Variants in PAGE2B observed in about 807,000 individuals in gnomAD.
PAGE2B encodes the protein putative G antigen family E member 3.
A neutral mutation model predicts 7.6 loss-of-function variants in PAGE2B; 5 were observed. That is an observed-to-expected ratio of 0.66 (90% CI 0.34 to 1.38). The LOEUF (loss-of-function observed/expected upper bound fraction) is 1.38. PAGE2B is among the 40% of genes most tolerant of loss of function. PAGE2B has a pLI of 0.04. For missense variants in PAGE2B, 70 were observed against 78.4 expected (o/e 0.89, Z 0.41); for synonymous variants, 29 against 26.7 (o/e 1.09, Z -0.27).
At chrX:55,059,510 T>TTA in the PAGE2B span, among the ~76,000 whole-genome samples, 1 of 111,563 alleles carries the variant, frequency 9.0e-6, no homozygotes, top group East Asian at 2.8e-4. Flanking sequence ...AAAATACAAA[T>TTA]TATATATATA....
At chrX:55,047,026 C>A in the PAGE2B span, among the ~76,000 whole-genome samples, 2 of 110,971 alleles carry the variant, frequency 1.8e-5, no homozygotes, top group East Asian at 5.7e-4. Context: ...GTGCTGCACC[C>A]ATTAACTCGT....
chrX:55,039,203 T>C, the PAGE2B span, among the ~76,000 whole-genome samples: 1 of 111,153 alleles, frequency 9.0e-6, no homozygotes, highest in East Asian at 2.8e-4. Context: ...TTTGGAGCAA[T>C]GTTATGTGCC....
At chrX:55,071,401 T>G (rs1448931987), upstream of PAGE2B, among the ~76,000 whole-genome samples, 1 of 111,858 alleles carries the variant, frequency 8.9e-6, no homozygotes, top group Non-Finnish European at 1.9e-5. Context: ...GCTTATAGGG[T>G]TTCTGCTGAG....
chrX:55,052,158 G>A, the PAGE2B span, among the ~76,000 whole-genome samples: 24 of 111,605 alleles, frequency 2.2e-4, no homozygotes, highest in East Asian at 4.5e-3. Flanking sequence ...CTGCCTGATC[G>A]TTCCTCTGAA....
At chrX:55,029,024 A>C in the PAGE2B span, among the ~76,000 whole-genome samples, 1 of 112,222 alleles carries the variant, frequency 8.9e-6, no homozygotes, top group Non-Finnish European at 1.9e-5. Context: ...AAGATAATCC[A>C]TATAAAGCAT....
chrX:55,077,344 C>T (rs1936532760), intron 3 of PAGE2B, 55 bp from the exon 4 acceptor site: 18 of 1,197,524 alleles, frequency 1.5e-5, no homozygotes, highest in Non-Finnish European at 2.0e-5. Flanking sequence ...TTATCATTTC[C>T]TTGTTCATAG....
At chrX:55,049,803 C>A in the PAGE2B span, among the ~76,000 whole-genome samples, 1 of 111,425 alleles carries the variant, frequency 9.0e-6, no homozygotes, top group African/African-American at 3.3e-5. Flanking sequence ...GTGTCTCTAT[C>A]TCCTTCAGTT....
chrX:55,053,101 C>A, the PAGE2B span, among the ~76,000 whole-genome samples: 2 of 112,170 alleles, frequency 1.8e-5, no homozygotes, highest in African/African-American at 6.5e-5. Context: ...TGTTAAATAG[C>A]AAAGACATGG....
the PAGE2B span, among the ~76,000 whole-genome samples, chrX:55,034,563 T>C: frequency 9.0e-6 from 1 of 110,530 alleles, no homozygotes; most frequent in East Asian, 2.8e-4. Context: ...ATAAATATTA[T>C]TTCATTGTTT....
At chrX:55,029,860 C>A in the PAGE2B span, among the ~76,000 whole-genome samples, 1 of 111,247 alleles carries the variant, frequency 9.0e-6, no homozygotes, top group Non-Finnish European at 1.9e-5. Flanking sequence ...TGTGTCAGCA[C>A]CCAATCTGTA....
At chrX:55,042,693 C>T in the PAGE2B span, among the ~76,000 whole-genome samples, 1 of 66,160 alleles carries the variant, frequency 1.5e-5, no homozygotes, top group Non-Finnish European at 2.9e-5. Flanking sequence ...AAAAAGAAAT[C>T]ATAGAAACAC....
the PAGE2B span, among the ~76,000 whole-genome samples, chrX:55,042,906 A>G: frequency 9.1e-6 from 1 of 110,210 alleles, no homozygotes; most frequent in Non-Finnish European, 1.9e-5. Flanking sequence ...TTAAGCAAAA[A>G]GAACAAATCT....
At chrX:55,054,310 A>C in the PAGE2B span, among the ~76,000 whole-genome samples, 1 of 112,515 alleles carries the variant, frequency 8.9e-6, no homozygotes, top group African/African-American at 3.2e-5. Flanking sequence ...CTTATGGATC[A>C]ATGTTAACTA....
the PAGE2B span, among the ~76,000 whole-genome samples, chrX:55,066,073 T>C: frequency 8.9e-6 from 1 of 111,929 alleles, no homozygotes; most frequent in African/African-American, 3.2e-5. Context: ...TTCTTTTTTC[T>C]TTCTTTCTTT....
At chrX:55,031,347 C>T in the PAGE2B span, among the ~76,000 whole-genome samples, 1 of 111,381 alleles carries the variant, frequency 9.0e-6, no homozygotes, top group Non-Finnish European at 1.9e-5. Context: ...GGAGTCAGAC[C>T]TAGAATACAG....
the PAGE2B span, among the ~76,000 whole-genome samples, chrX:55,041,076 T>C: frequency 1.9e-5 from 2 of 105,581 alleles, no homozygotes; most frequent in Non-Finnish European, 3.9e-5. Context: ...TGTTCAATAA[T>C]TCTTTTTTTT....
chrX:55,076,404 A>ATATG (rs199955679), intron 2 of PAGE2B, among the ~76,000 whole-genome samples, 165 bp from the exon 3 acceptor site: 6,622 of 108,081 alleles, frequency 0.061, 532 homozygotes, highest in African/African-American at 0.21. Context: ...GTATGTGTAT[A>ATATG]TATGTATGTA....
At chrX:55,067,842 A>C in the PAGE2B span, among the ~76,000 whole-genome samples, 1,058 of 112,325 alleles carry the variant, frequency 9.4e-3, 15 homozygotes, top group African/African-American at 0.033. Context: ...TGGCTGCATA[A>C]ATGTCTTCTT....
chrX:55,030,203 T>C, the PAGE2B span, among the ~76,000 whole-genome samples: 1 of 111,597 alleles, frequency 9.0e-6, no homozygotes, highest in East Asian at 2.8e-4. Context: ...GGCCAAGCCT[T>C]TTTTTCAGAG....
Sources: allele counts gnomAD v4.1 joint callset (sites outside exome capture counted in the v4.1 genomes callset), GRCh38; gene constraint gnomAD v4.1.1; transcripts MANE v1.5; gene names NCBI Gene and HGNC (gene_info 2026-07-23, HGNC 2026-07-21).